Variants in ARMCX4 observed in about 807,000 individuals in gnomAD.
ARMCX4 encodes the protein armadillo repeat containing X-linked 4, also known as armadillo repeat-containing X-linked protein 4.
In ARMCX4, 3 loss-of-function variants were observed where a neutral mutation model predicts 34.7. The observed-to-expected ratio is 0.09, with a 90% confidence interval of 0.04 to 0.22. The LOEUF (loss-of-function observed/expected upper bound fraction) is 0.22. Ranked by LOEUF, ARMCX4 falls within the 10% of genes least tolerant of loss-of-function variation. The pLI is 1.00. For missense variants in ARMCX4, 1,448 were observed against 1,720.8 expected (o/e 0.84, Z 2.81); for synonymous variants, 513 against 632.8 (o/e 0.81, Z 2.84).
chrX:101,481,882 A>G (rs940130613), upstream of ARMCX4, among the ~76,000 whole-genome samples: 11 of 111,575 alleles, frequency 9.9e-5, no homozygotes, highest in African/African-American at 3.6e-4. Context: ...ACTGGTATGT[A>G]GAGCTCTTTG....
At chrX:101,497,230 T>C (rs946942888), downstream of ARMCX4, among the ~76,000 whole-genome samples, 2 of 111,483 alleles carry the variant, frequency 1.8e-5, no homozygotes, top group East Asian at 5.6e-4. Flanking sequence ...TTGTTGTTTT[T>C]TCTCTTTCTT....
In ARMCX4 at chrX:101,493,904, G is replaced by A; in HGVS notation, c.5315G>A (p.Gly1772Glu). 1.1e-5 allele frequency: 13 copies of A among 1,152,507 alleles called. No homozygotes were observed. Among genetic ancestry groups the A allele is most frequent in the Non-Finnish European group, 1.5e-5 (13 of 871,640 alleles). The allele number at this position is 1,152,507 out of a possible 1,213,427, so 95.0% of individuals were successfully genotyped here. Residue 1772 changes from glycine (G) to glutamate (E), a missense_variant, in exon 6 of 6, where the codon GGG (glycine) becomes GAG (glutamate). Gly to Glu is a moderately conservative substitution (Grantham distance 98). Transcript: ENST00000423738. The part of the protein sequence containing the change: ...KDEATTASRS[G>E]AGEEAMICSR... Reference sequence around the variant, plus strand: ...GAGGCCACTACTGCATCCAGATCAGGGGCTGGGGAAGAGGCCATGATTTGT... The same window carrying A: ...GAGGCCACTACTGCATCCAGATCAGAGGCTGGGGAAGAGGCCATGATTTGT...
chrX:101,533,555 T>C (rs1789898002), downstream of ARMCX4: 1 of 111,512 alleles, frequency 9.0e-6, no homozygotes, highest in African/African-American at 3.3e-5. Context: ...GAATGCACAG[T>C]CAAGGATAAA....
At chrX:101,432,974 GTATA>G (rs1166366333) in intron 2 of ARMCX4, among the ~76,000 whole-genome samples, 4 of 103,206 alleles carry the variant, frequency 3.9e-5, no homozygotes, top group Non-Finnish European at 7.9e-5. Context: ...GTGTATATGT[GTATA>G]TATACACACA....
At chrX:101,476,191 G>T (rs910502383) in intron 4 of ARMCX4, among the ~76,000 whole-genome samples, 5 of 108,999 alleles carry the variant, frequency 4.6e-5, no homozygotes, top group African/African-American at 1.7e-4. Flanking sequence ...AATATTTATT[G>T]AGTGCTTACT....
rs190532673 is a variant in ARMCX4, at chrX:101,514,891, A to T, written c.*1780+3836A>T. Among the ~76,000 whole-genome samples, 183 of 111,699 alleles carry T rather than the reference A, an allele frequency of 1.6e-3. No individual in the cohort carries two copies. The Middle Eastern group carries it at 0.018, about 11-fold the overall frequency. The stretch of plus-strand genomic sequence containing the variant: ...GAATCAGTTGAATTTAGGGGTTTAA[A>T]TTCCTTAACGAAGGTCCCCAGCTTC... On this transcript the variant is annotated intron_variant and NMD_transcript_variant, in intron 11 of 12. Transcript: ENST00000354842.
chrX:101,514,283 C>T (rs782329937), intron 11 of ARMCX4, among the ~76,000 whole-genome samples: 10 of 110,897 alleles, frequency 9.0e-5, no homozygotes, highest in Non-Finnish European at 1.7e-4. Context: ...CCATTTCCAC[C>T]CCTTGATTCC....
intron 4 of ARMCX4, 176 bp from the exon 5 acceptor site, chrX:101,487,868 A>G: frequency 7.1e-6 from 2 of 283,493 alleles, no homozygotes; most frequent in South Asian, 3.6e-5. Context: ...ATTCTGGTAC[A>G]GGGAAAAGAG....
In ARMCX4 at chrX:101,494,795, G is replaced by C; in HGVS notation, c.6206G>C (p.Ser2069Thr). The change falls in exon 6 of 6, where the codon AGT (serine) becomes ACT (threonine). Residue 2069 changes from serine to threonine, a missense_variant. By Grantham distance (58) the Ser-to-Thr change is moderately conservative. Around this residue, in one of 2 missense-constraint regions of ARMCX4, gnomAD observed 105 missense variants for 180.2 expected, o/e 0.58. Coordinates refer to ENST00000423738, the MANE Select transcript of ARMCX4 (RefSeq NM_001256155.3). ...ATAGCCAATAATGCTTTATATAACA[G>C]TGCTGATTATTCTTATTCTCATGAA... The part of the protein sequence containing the change: ...HEIANNALYN[S>T]ADYSYSHEVV... The C allele has an allele frequency of 1.7e-6, 2 of 1,154,273 alleles. No homozygotes were observed. Among genetic ancestry groups the C allele is most frequent in the Non-Finnish European group, 2.3e-6 (2 of 871,275 alleles).
chrX:101,488,788 A>T lies in ARMCX4; in HGVS notation c.199A>T (p.Thr67Ser). The T allele has an allele frequency of 6.1e-6, 7 of 1,156,410 alleles. No individual in the cohort carries two copies. Among genetic ancestry groups the T allele is most frequent in the Non-Finnish European group, 8.0e-6 (7 of 873,088 alleles). The stretch of plus-strand genomic sequence containing the variant: ...GGCCATAAATGAAGCAGAGATTAAG[A>T]CTAAACCCCAAGTCGAGATTGGAGC... The part of the protein sequence containing the change: ...TLAINEAEIK[T>S]KPQVEIGAET... Residue 67 changes from threonine (T) to serine (S), a missense_variant, in exon 6 of 6, where the codon ACT becomes TCT. Around this residue, in one of 2 missense-constraint regions of ARMCX4, gnomAD observed 1,343 missense variants for 1,540.7 expected, o/e 0.87. Transcript: ENST00000423738.
intron 11 of ARMCX4, among the ~76,000 whole-genome samples, chrX:101,525,078 C>T (rs1159987816): frequency 9.0e-6 from 1 of 111,410 alleles, no homozygotes; most frequent in Non-Finnish European, 1.9e-5. Flanking sequence ...AGCCAGATGC[C>T]TATCTGAGAC....
chrX:101,432,962 A>G (rs144933926), intron 2 of ARMCX4, among the ~76,000 whole-genome samples: 4,974 of 73,705 alleles, frequency 0.067, 189 homozygotes, highest in South Asian at 0.34. Context: ...ATGTATACAT[A>G]TGTGTATATG....
In ARMCX4 at chrX:101,439,659, A is replaced by G. The variant is rs1227821930; in HGVS notation, n.165-4393A>G. On this transcript the variant is annotated intron_variant and non_coding_transcript_variant, in intron 2 of 3. Coordinates refer to the ARMCX4 transcript ENST00000430461. ...CTTTTCACATAGTCCCATATTTCTT[A>G]GAGGCTTTGTTCGTTTCTTTGTATT... 3.6e-5 allele frequency among the ~76,000 whole-genome samples: 4 copies of G among 111,689 alleles called. No homozygotes were observed. In the East Asian group the frequency reaches 8.5e-4, roughly 24 times the overall value.
At chrX:101,504,159 T>C (rs1934383100) in intron 7 of ARMCX4, among the ~76,000 whole-genome samples, 1 of 111,870 alleles carries the variant, frequency 8.9e-6, no homozygotes, top group Non-Finnish European at 1.9e-5. Context: ...TCTGTTTTGG[T>C]ACCAGTACCA....
At position 101,490,936 on chromosome X, in the gene ARMCX4, G is replaced by T; in HGVS notation, c.2347G>T (p.Gly783Cys). ...NAVSKAEAGM[G>C]ATGSVQPQAV... ...TGTGTCTAAGGCAGAAGCTGGGATG[G>T]GTGCAACAGGCTCTGTCCAGCCCCA... Residue 783 changes from glycine (G) to cysteine (C), a missense_variant, in exon 6 of 6, where the codon GGT becomes TGT. By Grantham distance (159) the Gly-to-Cys change is radical. Coordinates refer to ENST00000423738, the MANE Select transcript of ARMCX4 (RefSeq NM_001256155.3). The T allele has an allele frequency of 8.7e-7, 1 of 1,155,126 alleles. No individual in the cohort carries two copies. Among genetic ancestry groups the T allele is most frequent in the South Asian group, 1.9e-5 (1 of 52,710 alleles).
At chrX:101,469,103 G>A (rs782018209) in intron 4 of ARMCX4, among the ~76,000 whole-genome samples, 1 of 112,280 alleles carries the variant, frequency 8.9e-6, no homozygotes, top group Admixed American at 9.4e-5. Flanking sequence ...GGCAAAGCAT[G>A]TGAACAGGCA....
intron 7 of ARMCX4, among the ~76,000 whole-genome samples, chrX:101,502,797 T>C (rs894374459): frequency 9.0e-6 from 1 of 110,924 alleles, no homozygotes; most frequent in Non-Finnish European, 1.9e-5. Context: ...TTTTTTCTCT[T>C]TTTTTAATTA....
At chrX:101,513,154 T>C (rs1934631375) in intron 11 of ARMCX4, among the ~76,000 whole-genome samples, 2 of 110,936 alleles carry the variant, frequency 1.8e-5, no homozygotes, top group South Asian at 7.8e-4. Flanking sequence ...ATCCAGACAA[T>C]GAAAAACAAT....
At chrX:101,457,605 C>T (rs1420127054) in intron 4 of ARMCX4, among the ~76,000 whole-genome samples, 4 of 110,392 alleles carry the variant, frequency 3.6e-5, no homozygotes, top group Admixed American at 2.9e-4. Flanking sequence ...TGCCTGTAAT[C>T]CCAGCTACTC....
Sources: allele counts gnomAD v4.1 joint callset (sites outside exome capture counted in the v4.1 genomes callset), GRCh38; gene constraint gnomAD v4.1.1; regional missense constraint gnomAD v4.1.1; transcripts MANE v1.5; gene names NCBI Gene and HGNC (gene_info 2026-07-23, HGNC 2026-07-21).